ANKRD28: variants seen among roughly 807,000 people sequenced by gnomAD.
ANKRD28 encodes ankyrin repeat domain 28, also known as serine/threonine-protein phosphatase 6 regulatory ankyrin repeat subunit A.
A neutral mutation model predicts 126.5 loss-of-function variants in ANKRD28; 44 were observed. The observed-to-expected ratio is 0.35, with a 90% CI of 0.27 to 0.45. The LOEUF is 0.45. Ranked by LOEUF, ANKRD28 falls within the 20% of genes least tolerant of loss-of-function variation. The probability of loss-of-function intolerance (pLI) is 1.00; values close to 1 mark genes in which losing one functional copy is unlikely to be tolerated. For missense variants in ANKRD28, 1,110 were observed against 1,316.6 expected, an observed-to-expected ratio of 0.84 and a Z score of 2.43; for synonymous variants, 442 against 468.5, an observed-to-expected ratio of 0.94 and a Z score of 0.73.
chr3:15,713,564 TCAGCAGCTCATGGCCATACCGTGCTG>T lies in ANKRD28; in HGVS notation c.1127_1152del (p.Ala376AspfsTer10). 6.2e-7 allele frequency: 1 copy of T among 1,611,718 alleles called. No individual in the cohort carries two copies. On this transcript the variant is annotated frameshift_variant, in exon 10 of 28. Coordinates refer to ENST00000683139, the MANE Select transcript of ANKRD28 (RefSeq NM_001349278.2). LOFTEE classifies it high-confidence loss of function. ...GCACCACTTGTAATAAGAGTGTTGATCAGCAGCTCATGGCCATACCGTGCTGCTATGTGCAAAGGGGTATTTCCATT... is the reference window on the plus strand; with the variant it reads ...GCACCACTTGTAATAAGAGTGTTGATCTATGTGCAAAGGGGTATTTCCATT...
intron 8 of ANKRD28, among the ~76,000 whole-genome samples, chr3:15,716,205 C>T (rs772452022): frequency 1.3e-5 from 2 of 151,446 alleles, no homozygotes; most frequent in Non-Finnish European, 2.9e-5. Flanking sequence ...TTGTCTTGAA[C>T]TCAAGACCTC....
intron 1 of ANKRD28, among the ~76,000 whole-genome samples, chr3:15,858,427 C>G (rs1559605610): frequency 6.6e-6 from 1 of 152,174 alleles, no homozygotes; most frequent in African/African-American, 2.4e-5. Flanking sequence ...AAGGTGCAAT[C>G]TTTATTAAGT....
At chr3:15,714,019 C>T (rs981065617) in intron 9 of ANKRD28, among the ~76,000 whole-genome samples, 9 of 150,436 alleles carry the variant, frequency 6.0e-5, no homozygotes, top group Non-Finnish European at 1.3e-4. Flanking sequence ...GGATCATGAA[C>T]CTATTTCAAC....
At chr3:15,724,125 C>T (rs562779220) in intron 7 of ANKRD28, among the ~76,000 whole-genome samples, 3 of 152,182 alleles carry the variant, frequency 2.0e-5, no homozygotes, top group African/African-American at 2.4e-5. Context: ...AACTACAGGG[C>T]CTGGAACGTG....
chr3:15,736,082 G>C, intron 5 of ANKRD28, among the ~76,000 whole-genome samples: 1 of 152,162 alleles, frequency 6.6e-6, no homozygotes, highest in East Asian at 1.9e-4. Context: ...GAAAATCAGA[G>C]AAGTACAGTA....
chr3:15,677,062 A>G lies in ANKRD28; in HGVS notation c.2791-6T>C, dbSNP rs562323056. ...AAGGCACTAGTTTCATGACCCTATA[A>G]TTGTGGCAGATAAGTTATAAAAACT... On this transcript the variant is annotated splice_region_variant and splice_polypyrimidine_tract_variant and intron_variant, in intron 25 of 27. Coordinates refer to ENST00000683139, the MANE Select transcript of ANKRD28 (RefSeq NM_001349278.2). 1.1e-5 allele frequency: 17 copies of G among 1,610,528 alleles called. No individual in the cohort carries two copies. In the East Asian group the frequency reaches 3.6e-4, roughly 34 times the overall value.
At chr3:15,809,081 G>A (rs1028122203) in intron 1 of ANKRD28, among the ~76,000 whole-genome samples, 1 of 151,810 alleles carries the variant, frequency 6.6e-6, no homozygotes, top group East Asian at 1.9e-4. Flanking sequence ...TCCCCAAAGT[G>A]TTCTTTTTCT....
At chr3:15,754,437 T>C (rs2058048203) in intron 3 of ANKRD28, among the ~76,000 whole-genome samples, 1 of 152,182 alleles carries the variant, frequency 6.6e-6, no homozygotes, top group South Asian at 2.1e-4. Flanking sequence ...AATTTGAGTA[T>C]GCCAAAAGAA....
At chr3:15,730,955 G>A in intron 6 of ANKRD28, among the ~76,000 whole-genome samples, 1 of 152,068 alleles carries the variant, frequency 6.6e-6, no homozygotes, top group East Asian at 1.9e-4. Context: ...TAAAAAAGAT[G>A]AGTTTGACTC....
At position 15,839,095 on chromosome 3, in the gene ANKRD28, C is replaced by A. The variant is rs2061381545; in HGVS notation, c.27+20282G>T. ...ACCATTATTCAATGGTGGCCTGGGGCTGGAGGTGGGACTAGGAGTAACTGC... is the reference window on the plus strand; with the variant it reads ...ACCATTATTCAATGGTGGCCTGGGGATGGAGGTGGGACTAGGAGTAACTGC... On this transcript the variant is annotated intron_variant, in intron 1 of 27. Coordinates refer to the ANKRD28 transcript ENST00000399451. This position sits in a 1 kb window ranked among gnomAD's most constrained non-coding sequence, Gnocchi z 4.3. 6.6e-6 allele frequency among the ~76,000 whole-genome samples: 1 copy of A among 152,064 alleles called. No individual in the cohort carries two copies. The highest frequency in any genetic ancestry group is 2.1e-4 in the South Asian group (1 of 4,824).
chr3:15,725,607 T>C (rs2074097489), intron 6 of ANKRD28, among the ~76,000 whole-genome samples: 2 of 152,192 alleles, frequency 1.3e-5, no homozygotes, highest in South Asian at 2.1e-4. Flanking sequence ...GTTCATTTCA[T>C]GTGTCTGTGT....
intron 18 of ANKRD28, 167 bp downstream of exon 18, chr3:15,689,852 A>G (rs2068584942): frequency 1.6e-6 from 1 of 624,686 alleles, no homozygotes; most frequent in South Asian, 2.3e-5. Context: ...TTGTAAATTC[A>G]TTTGTGTGAA....
At chr3:15,858,371 A>C (rs574348215) in intron 1 of ANKRD28, among the ~76,000 whole-genome samples, 1 of 152,384 alleles carries the variant, frequency 6.6e-6, no homozygotes, top group East Asian at 1.9e-4. Context: ...CCTAAACATA[A>C]AATTCACTTA....
intron 2 of ANKRD28, among the ~76,000 whole-genome samples, chr3:15,794,056 C>T (rs2060158540): frequency 6.6e-6 from 1 of 151,902 alleles, no homozygotes; most frequent in Non-Finnish European, 1.5e-5. Flanking sequence ...GGCAACAGAG[C>T]CAGACTCTGT....
chr3:15,846,315 C>G lies in ANKRD28; in HGVS notation c.27+13062G>C, dbSNP rs928356153. Among the ~76,000 whole-genome samples, 1 of 152,184 alleles carries G rather than the reference C, an allele frequency of 6.6e-6. No individual in the cohort carries two copies. Among genetic ancestry groups the G allele is most frequent in the Non-Finnish European group, 1.5e-5 (1 of 68,028 alleles). On this transcript the variant is annotated intron_variant, in intron 1 of 27. Transcript: ENST00000399451. The surrounding 1 kb of genome is among the most constrained non-coding windows in gnomAD (Gnocchi z 5.4). ...TACTGGCCCCATGCAAGTCTGAAAC[C>G]CAGCAAGGCAGTCATTAAATCTTAA...
At chr3:15,781,966 G>C (rs758714938) in intron 2 of ANKRD28, among the ~76,000 whole-genome samples, 1 of 152,080 alleles carries the variant, frequency 6.6e-6, no homozygotes, top group Admixed American at 6.6e-5. Flanking sequence ...CCTGAAGCTG[G>C]TGAAAGAAAC....
intron 2 of ANKRD28, among the ~76,000 whole-genome samples, chr3:15,787,103 T>TA (rs2059817534): frequency 6.6e-6 from 1 of 152,066 alleles, no homozygotes. Context: ...TGAAATAAAT[T>TA]ATAAAGAATG....
intron 1 of ANKRD28, among the ~76,000 whole-genome samples, chr3:15,808,492 T>C (rs1206282306): frequency 6.6e-6 from 1 of 152,232 alleles, no homozygotes; most frequent in Admixed American, 6.5e-5. Context: ...CAACTTTTTC[T>C]CTATGATCTT....
intron 1 of ANKRD28, among the ~76,000 whole-genome samples, chr3:15,807,574 C>T (rs562553395): frequency 1.0e-3 from 158 of 152,282 alleles, no homozygotes; most frequent in Non-Finnish European, 2.0e-3. Flanking sequence ...CTATTAATCT[C>T]ATCTTCCTTC....
Sources: allele counts gnomAD v4.1 joint callset (sites outside exome capture counted in the v4.1 genomes callset), GRCh38; gene constraint gnomAD v4.1.1; non-coding constraint Gnocchi (gnomAD v3.1); transcripts MANE v1.5; gene names NCBI Gene and HGNC (gene_info 2026-07-23, HGNC 2026-07-21).